Variants in NOTCH1 observed in about 807,000 individuals in gnomAD.
The protein encoded by NOTCH1 is neurogenic locus notch homolog protein 1.
Under a neutral mutation model 254.8 loss-of-function variants are expected in NOTCH1, and 37 were observed. The ratio of observed to expected loss-of-function variants is 0.15; its 90% CI spans 0.11 to 0.19. The LOEUF (loss-of-function observed/expected upper bound fraction) is 0.19, where lower values mean the gene tolerates loss of function less well. Among genes scored for constraint, NOTCH1 ranks in the 10% least tolerant of loss-of-function variants. The pLI is 1.00. For missense variants in NOTCH1, 2,972 were observed against 3,708.6 expected (o/e 0.80, Z 5.16); for synonymous variants, 1,731 against 1,618.1 (o/e 1.07, Z -1.68).
At chr9:136,537,138 C>T (rs1041860796) in intron 2 of NOTCH1, among the ~76,000 whole-genome samples, 1 of 152,320 alleles carries the variant, frequency 6.6e-6, no homozygotes, top group South Asian at 2.1e-4. Context: ...GTGGCTGCAC[C>T]GGCCCAGAGT....
At chr9:136,521,597 G>A (rs1237737856) in intron 4 of NOTCH1, among the ~76,000 whole-genome samples, 1 of 152,178 alleles carries the variant, frequency 6.6e-6, no homozygotes, top group Non-Finnish European at 1.5e-5. Flanking sequence ...ACTGGAGGTA[G>A]GGTCCCGTGC....
intron 2 of NOTCH1, among the ~76,000 whole-genome samples, chr9:136,539,595 G>C (rs184783210): frequency 6.6e-6 from 1 of 152,274 alleles, no homozygotes; most frequent in Admixed American, 6.5e-5. Flanking sequence ...TCGCCATGTT[G>C]GCCAGGCTGG....
chr9:136,496,107 C>G lies in NOTCH1; in HGVS notation c.7632G>C (p.Gln2544His), dbSNP rs754570072. 31 of 1,608,744 alleles carry G rather than the reference C, an allele frequency of 1.9e-5. No homozygotes were observed. The South Asian group carries it at 3.1e-4, about 16-fold the overall frequency. ...CCTCCGGAATGCGGGCGATCTGGGA[C>G]TGCATGCTGGTGGGAGGGCTGGAGA... The part of the protein sequence containing the change: ...EGVSSPPTSM[Q>H]SQIARIPEAF... The change falls in exon 34 of 34, where the codon CAG becomes CAC. Residue 2544 changes from glutamine to histidine, a missense_variant. Physicochemically the swap from Gln to His is conservative, Grantham distance 24. Transcript: ENST00000651671.
chr9:136,502,615 G>A (rs975451701), intron 27 of NOTCH1, 127 bp from the exon 28 acceptor site: 10 of 591,402 alleles, frequency 1.7e-5, no homozygotes, highest in African/African-American at 1.5e-4. Context: ...CCTCCATCCC[G>A]CCCTCCAAAA....
rs1231115432 is a variant in NOTCH1, at chr9:136,523,653, T to G, written c.403+64A>C. On this transcript the variant is annotated intron_variant, in intron 3 of 33. Coordinates refer to ENST00000651671, the MANE Select transcript of NOTCH1 (RefSeq NM_017617.5). Reference sequence around the variant, plus strand: ...CCTGGATCCCGCCAAGTACCTCAAGTTGCCTGGGCAGCTGGCGGCGGGCCT... The same window carrying G: ...CCTGGATCCCGCCAAGTACCTCAAGGTGCCTGGGCAGCTGGCGGCGGGCCT... 7 of 1,548,198 alleles carry G rather than the reference T, an allele frequency of 4.5e-6. No homozygotes were observed. The East Asian group carries it at 7.2e-5, about 16-fold the overall frequency.
intron 8 of NOTCH1, 26 bp from the exon 9 acceptor site, chr9:136,517,411 G>A (rs1423723560): frequency 1.4e-6 from 2 of 1,465,106 alleles, no homozygotes; most frequent in East Asian, 2.4e-5. Flanking sequence ...ACAGTGAGGG[G>A]GGCACGCGCG....
chr9:136,521,856 C>T (rs956997849), intron 4 of NOTCH1, among the ~76,000 whole-genome samples: 10 of 152,164 alleles, frequency 6.6e-5, no homozygotes, highest in Non-Finnish European at 1.2e-4. Flanking sequence ...TTGGGCCACC[C>T]GTGGGTCAGC....
intron 2 of NOTCH1, among the ~76,000 whole-genome samples, chr9:136,538,378 C>T (rs1034770702): frequency 2.0e-5 from 3 of 152,158 alleles, no homozygotes; most frequent in Non-Finnish European, 4.4e-5. Context: ...CCCAGGGTCC[C>T]GCTGGCTGTA....
chr9:136,519,297 A>G (rs1359720483), intron 5 of NOTCH1, 146 bp downstream of exon 5: 9 of 1,186,474 alleles, frequency 7.6e-6, no homozygotes, highest in Non-Finnish European at 9.6e-6. Context: ...TGGGGCCCCC[A>G]TCATGTTGTC....
In NOTCH1 at chr9:136,516,102, CG is replaced by C; in HGVS notation, c.1556-9del. ...ACAGATGCCCAGTGAAGCCTGGGGCCGGGGAGGGGAGGGGAGGGAGTCATGT... is the reference window on the plus strand; with the variant it reads ...ACAGATGCCCAGTGAAGCCTGGGGCCGGGAGGGGAGGGGAGGGAGTCATGT... On this transcript the variant is annotated splice_polypyrimidine_tract_variant and intron_variant, in intron 9 of 33. Coordinates refer to ENST00000651671, the MANE Select transcript of NOTCH1 (RefSeq NM_017617.5). 1.9e-6 allele frequency: 3 copies of C among 1,552,878 alleles called. No homozygotes were observed. The highest frequency in any genetic ancestry group is 1.1e-5 in the South Asian group (1 of 89,898).
chr9:136,540,509 C>T lies in NOTCH1; in HGVS notation c.140+3515G>A, dbSNP rs1484809380. Reference sequence around the variant, plus strand: ...TCAGGAAGGAGGCTCTGGAAACCAGCACTGTCAGCCAACGGGGAGAAGGCG... The same window carrying T: ...TCAGGAAGGAGGCTCTGGAAACCAGTACTGTCAGCCAACGGGGAGAAGGCG... On this transcript the variant is annotated intron_variant, in intron 2 of 33. Transcript: ENST00000651671. This position sits in a 1 kb window ranked among gnomAD's most constrained non-coding sequence, Gnocchi z 4.4. Among the ~76,000 whole-genome samples the T allele has an allele frequency of 1.3e-5, 2 of 152,226 alleles. No homozygotes were observed. Among genetic ancestry groups the T allele is most frequent in the Non-Finnish European group, 2.9e-5 (2 of 68,036 alleles).
At position 136,507,980 on chromosome 9, in the gene NOTCH1, T is replaced by C. The variant is rs776729750; in HGVS notation, c.3485A>G (p.Asp1162Gly). 6.2e-7 allele frequency: 1 copy of C among 1,612,762 alleles called. No individual in the cohort carries two copies. The highest frequency in any genetic ancestry group is 8.5e-7 in the Non-Finnish European group (1 of 1,180,016). The change falls in exon 21 of 34, where the codon GAC becomes GGC. Residue 1162 changes from aspartate to glycine, a missense_variant. Around this residue, in one of 8 missense-constraint regions of NOTCH1, gnomAD observed 1,343 missense variants for 1,557.0 expected, o/e 0.86. Transcript: ENST00000651671. ...CTTGCAGGAGTAGCCGCCCAGGTAG[T>C]CCGTGCAGGTGGCCCCGTTCTGGCA... ...SPCQNGATCT[D>G]YLGGYSCKCV... is the part of the protein sequence containing the mutation.
chr9:136,497,580 C>T (rs771136066), intron 33 of NOTCH1, 22 bp from the exon 34 acceptor site: 34 of 1,508,160 alleles, frequency 2.3e-5, no homozygotes, highest in East Asian at 9.6e-5. Context: ...GGGCGGGGGC[C>T]GGTGAGGGGG....
chr9:136,515,453 C>A (rs936764065), intron 11 of NOTCH1, 30 bp downstream of exon 11: 1 of 1,611,456 alleles, frequency 6.2e-7, no homozygotes, highest in South Asian at 1.1e-5. Context: ...GCCCACTGGC[C>A]CCCCGCCGGC....
In NOTCH1 at chr9:136,505,113, G is replaced by A. The variant is rs1390687627; in HGVS notation, c.4587-9C>T. ...ACTGGTCGTACAGGGGGCTGTGGGG[G>A]GCGGGACACGCTCAGGCCGCCTTCC... is the stretch of plus-strand genomic sequence containing the variant. On this transcript the variant is annotated splice_polypyrimidine_tract_variant and intron_variant, in intron 25 of 33. Coordinates refer to ENST00000651671, the MANE Select transcript of NOTCH1 (RefSeq NM_017617.5). The A allele has an allele frequency of 5.0e-6, 8 of 1,606,252 alleles. No individual in the cohort carries two copies. The highest frequency in any genetic ancestry group is 6.8e-6 in the Non-Finnish European group (8 of 1,179,282).
Position 136,505,640 on chromosome 9 carries a change from T to A in NOTCH1, c.4256A>T (p.Lys1419Ile), listed in dbSNP as rs753585226. 1 of 1,612,030 alleles carries A rather than the reference T, an allele frequency of 6.2e-7. No individual in the cohort carries two copies. ...GATGTGGCACAAGAGCCCGTTGAATTTGGCGGGGCACAGGCAACGGTAGAA... is the reference window on the plus strand; with the variant it reads ...GATGTGGCACAAGAGCCCGTTGAATATGGCGGGGCACAGGCAACGGTAGAA... ...SPFYRCLCPA[K>I]FNGLLCHILD... Residue 1419 changes from lysine to isoleucine, a missense_variant, in exon 25 of 34, where the codon AAA (lysine) becomes ATA (isoleucine). Lys to Ile is a moderately radical substitution (Grantham distance 102). Around this residue, in one of 8 missense-constraint regions of NOTCH1, gnomAD observed 1,343 missense variants for 1,557.0 expected, o/e 0.86. Transcript: ENST00000651671.
intron 2 of NOTCH1, among the ~76,000 whole-genome samples, chr9:136,541,060 G>A (rs1399569422): frequency 6.6e-6 from 1 of 152,146 alleles, no homozygotes; most frequent in Non-Finnish European, 1.5e-5. Context: ...GAAGAGCCAA[G>A]GGCCACAGTG....
chr9:136,504,797 T>C lies in NOTCH1; in HGVS notation c.4894A>G (p.Lys1632Glu), dbSNP rs1205847026. 3 of 1,559,650 alleles carry C rather than the reference T, an allele frequency of 1.9e-6. No homozygotes were observed. The highest frequency in any genetic ancestry group is 2.4e-5 in the East Asian group (1 of 42,166). Residue 1632 changes from lysine (K) to glutamate (E), a missense_variant, in exon 26 of 34, where the codon AAG (lysine) becomes GAG (glutamate). This residue lies in a region of NOTCH1 where 1,343 missense variants were observed against 1,557.0 expected (regional missense o/e 0.86). Transcript: ENST00000651671. The part of the protein sequence containing the change: ...REEELRKHPI[K>E]RAAEGWAAPD... ...GCGGCCCAGCCCTCGGCGGCACGCT[T>C]GATGGGGTGCTTGCGCAGCTCCTCC...
intron 2 of NOTCH1, among the ~76,000 whole-genome samples, chr9:136,526,486 C>T (rs891130356): frequency 4.6e-5 from 7 of 152,192 alleles, no homozygotes; most frequent in African/African-American, 1.7e-4. Flanking sequence ...CTCCAAGGAG[C>T]GGGAAAAGCT....
Sources: gnomAD v4.1 joint callset for allele counts (sites outside exome capture counted in the v4.1 genomes callset) on GRCh38, gnomAD v4.1.1 for gene constraint, gnomAD v4.1.1 regional missense constraint, Gnocchi (gnomAD v3.1) non-coding constraint, MANE v1.5 for transcripts, NCBI Gene and HGNC (gene_info 2026-07-23, HGNC 2026-07-21) for gene names.